Variants in LRRTM4 observed in about 807,000 individuals in gnomAD.
The protein encoded by LRRTM4 is leucine-rich repeat transmembrane neuronal protein 4.
In LRRTM4, 25 loss-of-function variants were observed where a neutral mutation model predicts 47.6. The ratio of observed to expected loss-of-function variants is 0.53; its 90% CI spans 0.38 to 0.73. LRRTM4 has a LOEUF of 0.73. Ranked by LOEUF, LRRTM4 falls within the 30% of genes least tolerant of loss-of-function variation. LRRTM4 has a pLI of 0.00. For missense variants in LRRTM4, 638 were observed against 713.4 expected (o/e 0.89, Z 1.20); for synonymous variants, 311 against 269.5 (o/e 1.15, Z -1.51).
chr2:76,959,346 G>T (rs1034574201), intron 3 of LRRTM4, among the ~76,000 whole-genome samples: 1 of 151,232 alleles, frequency 6.6e-6, no homozygotes, highest in African/African-American at 2.4e-5. Context: ...CTGAAATGAA[G>T]AAAGTCACAT....
chr2:76,803,653 G>C (rs1018806955), intron 3 of LRRTM4, among the ~76,000 whole-genome samples: 3 of 152,096 alleles, frequency 2.0e-5, no homozygotes, highest in East Asian at 1.9e-4. Context: ...ATTTTTTAAA[G>C]AGTATTTGAA....
intron 3 of LRRTM4, among the ~76,000 whole-genome samples, chr2:77,257,840 A>G (rs1187001688): frequency 1.3e-5 from 2 of 152,106 alleles, no homozygotes; most frequent in African/African-American, 2.4e-5. Context: ...GATATTCAAT[A>G]GCAATACCCA....
At chr2:77,429,427 T>C (rs1319387163) in intron 3 of LRRTM4, among the ~76,000 whole-genome samples, 2 of 152,042 alleles carry the variant, frequency 1.3e-5, no homozygotes, top group African/African-American at 4.8e-5. Flanking sequence ...TTATTCGCAA[T>C]AGCCAAGAAA....
At position 76,787,219 on chromosome 2, in the gene LRRTM4, C is replaced by CATGTTG. The variant is rs573578593; in HGVS notation, c.1552-38309_1552-38304dup. ...TGGAAAATAAAAATGATCTGGGAAA[C>CATGTTG]ATGTTGATTGTGTGGGAAAAGATTA... is the stretch of plus-strand genomic sequence containing the variant. On this transcript the variant is annotated intron_variant, in intron 3 of 3. Transcript: ENST00000409884. Among the ~76,000 whole-genome samples, 65 of 152,046 alleles carry CATGTTG rather than the reference C, an allele frequency of 4.3e-4. 1 individual carries two copies. In the East Asian group the frequency reaches 9.6e-3, roughly 23 times the overall value.
intron 3 of LRRTM4, among the ~76,000 whole-genome samples, chr2:77,340,053 C>T (rs1461217532): frequency 6.6e-6 from 1 of 151,870 alleles, no homozygotes; most frequent in Non-Finnish European, 1.5e-5. Context: ...ACGTGATGTA[C>T]ATTATACTGG....
chr2:76,975,582 G>A (rs941301635), intron 3 of LRRTM4, among the ~76,000 whole-genome samples: 4 of 151,562 alleles, frequency 2.6e-5, no homozygotes, highest in African/African-American at 9.7e-5. Flanking sequence ...GGCTCCATAT[G>A]TTCAAAATAA....
chr2:77,125,953 G>A (rs1671643241), intron 3 of LRRTM4, among the ~76,000 whole-genome samples: 1 of 150,372 alleles, frequency 6.7e-6, no homozygotes, highest in African/African-American at 2.4e-5. Context: ...TATATATGCA[G>A]TATGTGTGTA....
chr2:77,163,366 G>A (rs996956839), intron 3 of LRRTM4, among the ~76,000 whole-genome samples: 1 of 152,176 alleles, frequency 6.6e-6, no homozygotes, highest in Non-Finnish European at 1.5e-5. Flanking sequence ...GTACCTGAAA[G>A]TGATGGGGAT....
rs562499836 is a variant in LRRTM4 at position 77,226,929 on chromosome 2, C to T, written c.1551+291389G>A. 4.6e-5 allele frequency among the ~76,000 whole-genome samples: 7 copies of T among 152,110 alleles called. No individual in the cohort carries two copies. The South Asian group carries it at 1.5e-3, about 32-fold the overall frequency. On this transcript the variant is annotated intron_variant, in intron 3 of 3. Transcript: ENST00000409884. ...TGAACTGAGTCGCCCAATTCAACATCCAATACCTCTCTCTCTGTGCTCCAG... is the reference window on the plus strand; with the variant it reads ...TGAACTGAGTCGCCCAATTCAACATTCAATACCTCTCTCTCTGTGCTCCAG...
intron 3 of LRRTM4, among the ~76,000 whole-genome samples, chr2:76,798,720 G>A (rs368595308): frequency 4.0e-5 from 6 of 150,700 alleles, no homozygotes; most frequent in South Asian, 2.1e-4. Context: ...TAATAAAGAA[G>A]AAAAGAGAGA....
chr2:76,893,601 G>A (rs1673320472), intron 3 of LRRTM4, among the ~76,000 whole-genome samples: 6 of 151,692 alleles, frequency 4.0e-5, no homozygotes, highest in Admixed American at 4.0e-4. Context: ...CTCTCCTACA[G>A]TTAAGACATG....
chr2:76,920,601 A>C (rs1674399384), intron 3 of LRRTM4, among the ~76,000 whole-genome samples: 1 of 151,934 alleles, frequency 6.6e-6, no homozygotes, highest in East Asian at 1.9e-4. Context: ...ATTTATTTGT[A>C]ATTTGGGAGA....
intron 3 of LRRTM4, among the ~76,000 whole-genome samples, chr2:77,029,609 T>G (rs934148323): frequency 1.3e-5 from 2 of 152,140 alleles, no homozygotes; most frequent in African/African-American, 4.8e-5. Flanking sequence ...TGGTTGACAC[T>G]CAATATTAGC....
chr2:77,143,798 G>C (rs979604599), intron 3 of LRRTM4, among the ~76,000 whole-genome samples: 21 of 152,170 alleles, frequency 1.4e-4, no homozygotes, highest in Admixed American at 6.5e-5. Context: ...ATTGCCAACT[G>C]TAAGATTATA....
chr2:77,228,029 T>C (rs78533038), intron 3 of LRRTM4, among the ~76,000 whole-genome samples: 5,710 of 152,128 alleles, frequency 0.038, 371 homozygotes, highest in African/African-American at 0.13. Context: ...GGGAATGAGA[T>C]ATTATTAAAG....
chr2:76,892,294 T>C (rs72821249), intron 3 of LRRTM4, among the ~76,000 whole-genome samples: 1 of 151,240 alleles, frequency 6.6e-6, no homozygotes, highest in African/African-American at 2.4e-5. Flanking sequence ...CCATTAGAAA[T>C]TATTTTACAA....
At chr2:77,072,043 T>C (rs1680171910) in intron 3 of LRRTM4, among the ~76,000 whole-genome samples, 1 of 152,200 alleles carries the variant, frequency 6.6e-6, no homozygotes, top group South Asian at 2.1e-4. Flanking sequence ...TTCTGACTTG[T>C]TTTTGACTAA....
At chr2:77,420,391 C>A (rs949330958) in intron 3 of LRRTM4, among the ~76,000 whole-genome samples, 111 of 152,236 alleles carry the variant, frequency 7.3e-4, no homozygotes, top group African/African-American at 2.6e-3. Context: ...GTCCAGCCCA[C>A]ACTCAAAAGT....
intron 3 of LRRTM4, among the ~76,000 whole-genome samples, chr2:77,095,248 A>T (rs1322300318): frequency 6.6e-6 from 1 of 152,190 alleles, no homozygotes; most frequent in Non-Finnish European, 1.5e-5. Context: ...TATCAAAAAG[A>T]CAAATGATAG....
Sources: allele counts gnomAD v4.1 joint callset (sites outside exome capture counted in the v4.1 genomes callset), GRCh38; gene constraint gnomAD v4.1.1; transcripts MANE v1.5; gene names NCBI Gene and HGNC (gene_info 2026-07-23, HGNC 2026-07-21).